Variants in ANK1 observed in about 807,000 individuals in gnomAD.
ANK1 encodes the protein ankyrin-1.
ANK1 carries 51 observed loss-of-function variants against 210.4 expected under a neutral mutation model. The ratio of observed to expected loss-of-function variants is 0.24; its 90% CI spans 0.19 to 0.31. The LOEUF is 0.31. ANK1 is among the 10% of genes least tolerant of loss of function. ANK1 has a pLI of 1.00. For synonymous variants in ANK1, 967 were observed against 1,025.9 expected (o/e 0.94, Z 1.10); for missense variants, 2,051 against 2,504.4 (o/e 0.82, Z 3.86).
At chr8:41,873,663 C>A (rs1022477470) in intron 1 of ANK1, among the ~76,000 whole-genome samples, 4 of 152,212 alleles carry the variant, frequency 2.6e-5, no homozygotes, top group African/African-American at 9.6e-5. Context: ...TGGCACGTGT[C>A]AGGCTAAGGC....
intron 1 of ANK1, among the ~76,000 whole-genome samples, chr8:41,893,025 G>A (rs1180145563): frequency 2.0e-5 from 3 of 152,160 alleles, no homozygotes; most frequent in Non-Finnish European, 4.4e-5. Flanking sequence ...TCAGGGCCAA[G>A]GCGTCAGCGC....
chr8:41,684,451 G>A (rs781106136), intron 37 of ANK1, 93 bp downstream of exon 37: 1 of 1,566,982 alleles, frequency 6.4e-7, no homozygotes, highest in Non-Finnish European at 8.7e-7. Flanking sequence ...AGCGGGCTTT[G>A]AGGGATGACG....
At chr8:41,692,447 C>T (rs769385282) in intron 31 of ANK1, among the ~76,000 whole-genome samples, 1 of 152,256 alleles carries the variant, frequency 6.6e-6, no homozygotes. Context: ...CCTGCAGCCT[C>T]CTCTGAGATG....
intron 3 of ANK1, among the ~76,000 whole-genome samples, chr8:41,732,490 G>A (rs1364038652): frequency 2.6e-5 from 4 of 152,104 alleles, no homozygotes; most frequent in African/African-American, 7.2e-5. Context: ...TCGGCTCACC[G>A]CAACCTCCGC....
chr8:41,822,020 A>G (rs1312331269), intron 1 of ANK1, among the ~76,000 whole-genome samples: 1 of 151,328 alleles, frequency 6.6e-6, no homozygotes, highest in African/African-American at 2.4e-5. Flanking sequence ...ATTGCACTCC[A>G]GCCTGGGCCA....
In ANK1 at chr8:41,668,515, C is replaced by A; in HGVS notation, c.5146G>T (p.Ala1716Ser). Residue 1716 changes from alanine to serine, a missense_variant, in exon 39 of 43, where the codon GCT becomes TCT. Coordinates refer to ENST00000289734, the MANE Select transcript of ANK1 (RefSeq NM_000037.4). Reference protein sequence around the residue: ...DGSIVSYLQDAAQGSWQEEVT... With the variant: ...DGSIVSYLQDSAQGSWQEEVT... ...TCCTCTTGCCAGGAACCTTGTGCAG[C>A]ATCTTGCAGGTATGAGACAATCGAG... The A allele has an allele frequency of 6.2e-7, 1 of 1,614,200 alleles. No homozygotes were observed. The highest frequency in any genetic ancestry group is 1.1e-5 in the South Asian group (1 of 91,086).
chr8:41,714,064 T>C, intron 16 of ANK1, 92 bp downstream of exon 16: 1 of 920,196 alleles, frequency 1.1e-6, no homozygotes. Context: ...GCAAAACCCT[T>C]GGGCTGCTGT....
intron 2 of ANK1, among the ~76,000 whole-genome samples, chr8:41,736,526 A>T (rs77677893): frequency 0.21 from 32,645 of 152,140 alleles, 4,330 homozygotes; most frequent in Middle Eastern, 0.33. Flanking sequence ...GCATGGCTGG[A>T]GTGACAGCCC....
At chr8:41,751,732 C>G (rs1019609539) in intron 2 of ANK1, among the ~76,000 whole-genome samples, 5 of 152,158 alleles carry the variant, frequency 3.3e-5, no homozygotes, top group Non-Finnish European at 7.4e-5. Context: ...CCCGCACCAG[C>G]CTCCTCACCA....
At chr8:41,882,979 A>T (rs1198254223) in intron 1 of ANK1, among the ~76,000 whole-genome samples, 1 of 152,128 alleles carries the variant, frequency 6.6e-6, no homozygotes, top group African/African-American at 2.4e-5. Context: ...GCCCTCCCCA[A>T]AGTCACTCTT....
intron 1 of ANK1, among the ~76,000 whole-genome samples, chr8:41,826,140 A>G (rs1423382759): frequency 6.6e-6 from 1 of 152,188 alleles, no homozygotes; most frequent in Non-Finnish European, 1.5e-5. Flanking sequence ...CCAATCCTAT[A>G]GAGGGGAGGG....
At chr8:41,862,533 A>G (rs891134193) in intron 1 of ANK1, among the ~76,000 whole-genome samples, 1 of 152,148 alleles carries the variant, frequency 6.6e-6, no homozygotes, top group Non-Finnish European at 1.5e-5. Flanking sequence ...TTTTTAAAAG[A>G]ATGAAAATAT....
At chr8:41,700,522 T>C in intron 22 of ANK1, 21 of 1,496,532 alleles carry the variant, frequency 1.4e-5, no homozygotes, top group Non-Finnish European at 2.0e-5. Flanking sequence ...GAGAGGCATA[T>C]ATTATCCAAA....
chr8:41,757,167 A>G (rs1434473582), intron 2 of ANK1, among the ~76,000 whole-genome samples: 3 of 152,264 alleles, frequency 2.0e-5, no homozygotes, highest in Non-Finnish European at 4.4e-5. Flanking sequence ...TGTACGCCGA[A>G]AAATGGTTAA....
Position 41,690,567 on chromosome 8 carries a change from G to C in ANK1, c.3891C>G (p.Leu1297=). The C allele has an allele frequency of 1.2e-6, 2 of 1,613,796 alleles. No homozygotes were observed. The highest frequency in any genetic ancestry group is 1.7e-4 in the Middle Eastern group (1 of 6,060). The part of the protein sequence containing the change: ...VLEGMSLFAE[L]SGNLVPVKKA... ...TCTTCACAGGCACCAGGTTCCCAGA[G>C]AGTTCTGCAAACAGGGACATTCCTT... The change falls in exon 32 of 43, where the codon CTC becomes CTG. Residue 1297 remains leucine, a synonymous_variant. Transcript: ENST00000289734.
intron 1 of ANK1, among the ~76,000 whole-genome samples, chr8:41,809,305 G>C (rs565938474): frequency 5.1e-4 from 77 of 152,322 alleles, no homozygotes; most frequent in African/African-American, 1.7e-3. Context: ...CAAATGCGCA[G>C]CTCTGTGAAA....
chr8:41,697,856 C>A, intron 24 of ANK1, 187 bp downstream of exon 24: 1 of 685,130 alleles, frequency 1.5e-6, no homozygotes, highest in Non-Finnish European at 2.6e-6. Context: ...CTTCCAGACG[C>A]CGCCCACCCA....
chr8:41,735,706 A>G (rs1206564813), intron 2 of ANK1, among the ~76,000 whole-genome samples: 7 of 152,202 alleles, frequency 4.6e-5, no homozygotes, highest in Non-Finnish European at 1.0e-4. Flanking sequence ...GCATTAGCCC[A>G]TTCACAGATT....
chr8:41,817,091 TTC>T lies in ANK1; in HGVS notation c.127-58956_127-58955del, dbSNP rs562042413. ...TGTCATTTGCCAGTTTCCAAATAGT[TTC>T]TTTTTTTTTTTTCTTTTTAACCTGA... On this transcript the variant is annotated intron_variant, in intron 1 of 42. Transcript: ENST00000265709. 3.6e-3 allele frequency among the ~76,000 whole-genome samples: 547 copies of T among 152,150 alleles called. 2 individuals carry two copies. Among genetic ancestry groups the T allele is most frequent in the Non-Finnish European group, 5.6e-3 (378 of 68,020 alleles).
Sources: allele counts gnomAD v4.1 joint callset (sites outside exome capture counted in the v4.1 genomes callset), GRCh38; gene constraint gnomAD v4.1.1; transcripts MANE v1.5; gene names NCBI Gene and HGNC (gene_info 2026-07-23, HGNC 2026-07-21).